ZNF592: variants seen among roughly 807,000 people sequenced by gnomAD.
ZNF592 encodes zinc finger protein 592.
ZNF592 carries 11 observed loss-of-function variants against 80.3 expected under a neutral mutation model. That is an observed-to-expected ratio of 0.14 (90% CI 0.09 to 0.23). The LOEUF (loss-of-function observed/expected upper bound fraction) is 0.23. Among genes scored for constraint, ZNF592 ranks in the 10% least tolerant of loss-of-function variants. The probability of loss-of-function intolerance (pLI) is 1.00; values close to 1 mark genes in which losing one functional copy is unlikely to be tolerated. For synonymous variants in ZNF592, 646 were observed against 640.3 expected (o/e 1.01, Z -0.13); for missense variants, 1,420 against 1,633.9 (o/e 0.87, Z 2.26).
intron 2 of ZNF592, among the ~76,000 whole-genome samples, chr15:84,770,239 T>C (rs1899660347): frequency 6.6e-6 from 1 of 152,168 alleles, no homozygotes; most frequent in Non-Finnish European, 1.5e-5. Context: ...AAGAGCTAGA[T>C]TTTAGACATA....
intron 3 of ZNF592, 27 bp downstream of exon 3, chr15:84,778,339 G>A (rs968799913): frequency 1.4e-5 from 3 of 218,998 alleles, no homozygotes; most frequent in African/African-American, 4.7e-5. Flanking sequence ...TGGAGGAGGC[G>A]GTGTTTGATT....
chr15:84,802,658 C>T lies in ZNF592; in HGVS notation c.*265C>T. On this transcript the variant is annotated 3_prime_UTR_variant, in exon 11 of 11. Transcript: ENST00000560079. The stretch of plus-strand genomic sequence containing the variant: ...TGGTGCCCCATCTCTTGTCTGTGTC[C>T]TTCCAACCCCAAGCTGCTTATGTGG... The T allele has an allele frequency of 3.8e-6, 2 of 532,022 alleles. No homozygotes were observed. Among genetic ancestry groups the T allele is most frequent in the South Asian group, 2.0e-5 (1 of 49,220 alleles). 33.0% of individuals were successfully genotyped at this position (532,022 alleles called of 1,614,324 possible). A position where few individuals can be genotyped will look rare whatever the true frequency, so the allele number is the denominator to read the frequency against.
chr15:84,788,469 G>A (rs1422719809), intron 4 of ZNF592, among the ~76,000 whole-genome samples: 2 of 152,136 alleles, frequency 1.3e-5, no homozygotes, highest in African/African-American at 4.8e-5. Flanking sequence ...GGGATAATTT[G>A]TTTCTTTTAA....
chr15:84,749,065 C>G (rs1302192018), intron 1 of ZNF592, among the ~76,000 whole-genome samples: 1 of 152,154 alleles, frequency 6.6e-6, no homozygotes, highest in Non-Finnish European at 1.5e-5. Context: ...TCAGCCCGAC[C>G]GTCCCCGCCG....
Position 84,783,944 on chromosome 15 carries a change from G to A in ZNF592, c.1269G>A (p.Gly423=), listed in dbSNP as rs779845180. 6.2e-7 allele frequency: 1 copy of A among 1,613,936 alleles called. No individual in the cohort carries two copies. The highest frequency in any genetic ancestry group is 8.5e-7 in the Non-Finnish European group (1 of 1,179,794). ...CAGAGGCCCCCAGCGAGATGCCAGGGGATGAGGTGCCTGTGGAAGAGCACT... is the reference window on the plus strand; with the variant it reads ...CAGAGGCCCCCAGCGAGATGCCAGGAGATGAGGTGCCTGTGGAAGAGCACT... ...AIAEAPSEMP[G]DEVPVEEHFP... The change falls in exon 4 of 11, where the codon GGG becomes GGA. Residue 423 remains glycine (G), a synonymous_variant. Coordinates refer to ENST00000560079, the MANE Select transcript of ZNF592 (RefSeq NM_014630.3). This position sits in a 1 kb window ranked among gnomAD's most constrained non-coding sequence, Gnocchi z 5.0.
In ZNF592 at chr15:84,750,263, G is replaced by A. The variant is rs142147604; in HGVS notation, c.-259+1599G>A. 7.2e-5 allele frequency among the ~76,000 whole-genome samples: 11 copies of A among 152,322 alleles called. No individual in the cohort carries two copies. In the East Asian group the frequency reaches 1.7e-3, roughly 24 times the overall value. Reference sequence around the variant, plus strand: ...GGTTGCAGTGACCTGAGATCGTGCCGTTGCACTCTAGCTTGGGCTACAGAG... The same window carrying A: ...GGTTGCAGTGACCTGAGATCGTGCCATTGCACTCTAGCTTGGGCTACAGAG... On this transcript the variant is annotated intron_variant, in intron 1 of 10. Transcript: ENST00000560079.
chr15:84,768,033 C>T (rs1250036041), intron 2 of ZNF592, among the ~76,000 whole-genome samples: 2 of 150,804 alleles, frequency 1.3e-5, no homozygotes, highest in Non-Finnish European at 3.0e-5. Context: ...TGTGCCACCA[C>T]GCCCAGCTAA....
chr15:84,801,870 A>G lies in ZNF592; in HGVS notation c.3281A>G (p.His1094Arg), dbSNP rs1246685894. ...PPGGHSPQVN[H>R]LKRPVSGVGD... Reference sequence around the variant, plus strand: ...TGCTGTCTCTCCTTTTAGGTGAACCATCTGAAAAGACCAGTCAGTGGAGTG... The same window carrying G: ...TGCTGTCTCTCCTTTTAGGTGAACCGTCTGAAAAGACCAGTCAGTGGAGTG... Residue 1094 changes from histidine to arginine, a missense_variant, in exon 11 of 11, where the codon CAT (histidine) becomes CGT (arginine). This residue lies in a region of ZNF592 where 145 missense variants were observed against 211.9 expected (regional missense o/e 0.68). Transcript: ENST00000560079. 3.7e-6 allele frequency: 6 copies of G among 1,613,924 alleles called. No individual in the cohort carries two copies. Among genetic ancestry groups the G allele is most frequent in the Non-Finnish European group, 4.2e-6 (5 of 1,179,850 alleles).
At chr15:84,774,619 T>G (rs1962188227) in intron 2 of ZNF592, among the ~76,000 whole-genome samples, 2 of 152,182 alleles carry the variant, frequency 1.3e-5, no homozygotes. Context: ...TATATACGGA[T>G]GCACACAGAC....
intron 10 of ZNF592, 147 bp from the exon 11 acceptor site, chr15:84,801,716 A>G: frequency 8.6e-7 from 1 of 1,166,070 alleles, no homozygotes; most frequent in South Asian, 1.4e-5. Context: ...CAAAGAATTG[A>G]AACAAACCAA....
rs1216802801 is a variant in ZNF592 at position 84,801,994 on chromosome 15, G to C, written c.3405G>C (p.Ser1135=). The change falls in exon 11 of 11, where the codon TCG becomes TCC. Residue 1135 remains serine (S), a synonymous_variant. Transcript: ENST00000560079. ...CGAAATGTAGTTTTGCCACAGACTCGGGGCTCGAGTTTCAGAGCCACATAC... is the reference window on the plus strand; with the variant it reads ...CGAAATGTAGTTTTGCCACAGACTCCGGGCTCGAGTTTCAGAGCCACATAC... ...QCAKCSFATD[S]GLEFQSHIPQ... 6 of 1,613,834 alleles carry C rather than the reference G, an allele frequency of 3.7e-6. No homozygotes were observed. In the African/African-American group the frequency reaches 8.0e-5, roughly 22 times the overall value.
intron 3 of ZNF592, among the ~76,000 whole-genome samples, chr15:84,780,059 T>A (rs1279166884): frequency 6.8e-6 from 1 of 147,946 alleles, no homozygotes; most frequent in African/African-American, 2.5e-5. Context: ...AGATCTCGAC[T>A]CACTGCAACC....
In ZNF592 at chr15:84,799,502, C is replaced by T. The variant is rs1197742923; in HGVS notation, c.3137+292C>T. Among the ~76,000 whole-genome samples the T allele has an allele frequency of 2.6e-5, 4 of 152,104 alleles. No individual in the cohort carries two copies. The highest frequency in any genetic ancestry group is 5.9e-5 in the Non-Finnish European group (4 of 68,018). ...GAGGGGTGGTGATGTGAGCATGCAC[C>T]CCTGGGGCCGAGAGGCTTCTGCACC... On this transcript the variant is annotated intron_variant, in intron 9 of 10. Transcript: ENST00000560079. This position sits in a 1 kb window ranked among gnomAD's most constrained non-coding sequence, Gnocchi z 4.2.
Position 84,799,853 on chromosome 15 carries a change from A to G in ZNF592, c.3149A>G (p.Glu1050Gly). 1 of 1,614,132 alleles carries G rather than the reference A, an allele frequency of 6.2e-7. No individual in the cohort carries two copies. Among genetic ancestry groups the G allele is most frequent in the South Asian group, 1.1e-5 (1 of 91,076 alleles). ...KKFYTCGYCTEDSPSFPRPSL... is the reference protein window; with the variant it reads ...KKFYTCGYCTGDSPSFPRPSL... ...CTGTGCTTCTGCAGGTACTGCACAGAGGACAGCCCCAGCTTTCCTCGGCCC... is the reference window on the plus strand; with the variant it reads ...CTGTGCTTCTGCAGGTACTGCACAGGGGACAGCCCCAGCTTTCCTCGGCCC... Residue 1050 changes from glutamate to glycine, a missense_variant, in exon 10 of 11, where the codon GAG (glutamate) becomes GGG (glycine). By Grantham distance (98) the Glu-to-Gly change is moderately conservative (BLOSUM62 -2). This residue lies in a region of ZNF592 where 331 missense variants were observed against 347.0 expected (regional missense o/e 0.95). Coordinates refer to ENST00000560079, the MANE Select transcript of ZNF592 (RefSeq NM_014630.3). The surrounding 1 kb of genome is among the most constrained non-coding windows in gnomAD (Gnocchi z 4.2).
intron 5 of ZNF592, among the ~76,000 whole-genome samples, chr15:84,795,375 T>A (rs995981070): frequency 5.9e-5 from 9 of 152,274 alleles, no homozygotes; most frequent in Non-Finnish European, 1.2e-4. Flanking sequence ...GGCACTCTTT[T>A]CTGCATACTT....
At chr15:84,787,298 G>T (rs1286983974) in intron 4 of ZNF592, among the ~76,000 whole-genome samples, 1 of 152,184 alleles carries the variant, frequency 6.6e-6, no homozygotes, top group Admixed American at 6.5e-5. Context: ...GGAAGGGAAG[G>T]AGTGCACAGA....
intron 3 of ZNF592, among the ~76,000 whole-genome samples, chr15:84,780,845 G>T (rs1345444661): frequency 6.6e-6 from 1 of 151,856 alleles, no homozygotes; most frequent in East Asian, 1.9e-4. Flanking sequence ...CCCTAAAAAA[G>T]TTTTGAAAAA....
In ZNF592 at chr15:84,803,179, T is replaced by C. The variant is rs1283503395; in HGVS notation, c.*786T>C. ...GGGTTGGGGCACACAGACATTGGAATATTTGTACTGCTCTCGTGCCATTTG... is the reference window on the plus strand; with the variant it reads ...GGGTTGGGGCACACAGACATTGGAACATTTGTACTGCTCTCGTGCCATTTG... On this transcript the variant is annotated 3_prime_UTR_variant, in exon 11 of 11. Coordinates refer to ENST00000560079, the MANE Select transcript of ZNF592 (RefSeq NM_014630.3). 1 of 152,604 alleles carries C rather than the reference T, an allele frequency of 6.6e-6. No homozygotes were observed. Among genetic ancestry groups the C allele is most frequent in the East Asian group, 1.9e-4 (1 of 5,202 alleles). The allele number at this position is 152,604 out of a possible 1,614,324, so 9.5% of individuals were successfully genotyped here. A position where few individuals can be genotyped will look rare whatever the true frequency, so the allele number is the denominator to read the frequency against.
intron 10 of ZNF592, among the ~76,000 whole-genome samples, 175 bp from the exon 11 acceptor site, chr15:84,801,688 A>C (rs913257825): frequency 1.3e-5 from 2 of 152,190 alleles, no homozygotes; most frequent in Non-Finnish European, 2.9e-5. Context: ...TGACACATGC[A>C]TATGTTACAT....
Sources: gnomAD v4.1 joint callset for allele counts (sites outside exome capture counted in the v4.1 genomes callset) on GRCh38, gnomAD v4.1.1 for gene constraint, gnomAD v4.1.1 regional missense constraint, Gnocchi (gnomAD v3.1) non-coding constraint, MANE v1.5 for transcripts, NCBI Gene and HGNC (gene_info 2026-07-23, HGNC 2026-07-21) for gene names.